Variants in UTRN observed in about 807,000 individuals in gnomAD.
The protein encoded by UTRN is utrophin, also known as dystrophin-related protein 1.
UTRN carries 283 observed loss-of-function variants against 463.9 expected under a neutral mutation model. That is an observed-to-expected ratio of 0.61 (90% confidence interval 0.55 to 0.67). The LOEUF is 0.67. Among genes scored for constraint, UTRN ranks in the 30% least tolerant of loss-of-function variants. The pLI, the probability that UTRN is intolerant of heterozygous loss-of-function variation, is 0.00. For missense variants in UTRN, 3,922 were observed against 4,084.3 expected (o/e 0.96, Z 1.08); for synonymous variants, 1,442 against 1,431.5 (o/e 1.01, Z -0.17).
At chr6:144,759,225 TTGA>T (rs1435258544) in intron 58 of UTRN, among the ~76,000 whole-genome samples, 1 of 152,050 alleles carries the variant, frequency 6.6e-6, no homozygotes, top group African/African-American at 2.4e-5. Flanking sequence ...ATTAAAGCAA[TTGA>T]TTGGTGTCAA....
At chr6:144,495,537 C>T (rs1389594641) in intron 33 of UTRN, among the ~76,000 whole-genome samples, 1 of 152,198 alleles carries the variant, frequency 6.6e-6, no homozygotes, top group East Asian at 1.9e-4. Flanking sequence ...CCACACCTCC[C>T]TGCAAGCTGA....
intron 23 of UTRN, among the ~76,000 whole-genome samples, chr6:144,472,303 C>A (rs556763922): frequency 1.3e-5 from 2 of 150,132 alleles, no homozygotes; most frequent in Admixed American, 1.3e-4. Flanking sequence ...TTAAGTACTA[C>A]TTTCTTTTCT....
chr6:144,487,705 T>C lies in UTRN; in HGVS notation c.3972+8T>C, dbSNP rs1420634479. 4.4e-6 allele frequency: 7 copies of C among 1,605,744 alleles called. No homozygotes were observed. The highest frequency in any genetic ancestry group is 1.3e-5 in the African/African-American group (1 of 74,658). On this transcript the variant is annotated splice_region_variant and intron_variant, in intron 29 of 74. Coordinates refer to ENST00000367545, the MANE Select transcript of UTRN (RefSeq NM_007124.3). ...GAAGATCTAAGTCACCTGGTAAGAG[T>C]TGGGACATACATGGGTGTTGATTAG...
intron 50 of UTRN, among the ~76,000 whole-genome samples, chr6:144,567,268 C>G (rs1800493951): frequency 6.6e-6 from 1 of 152,000 alleles, no homozygotes; most frequent in African/African-American, 2.4e-5. Flanking sequence ...AAGAGGAGCT[C>G]TAGAGCATGG....
intron 53 of UTRN, among the ~76,000 whole-genome samples, chr6:144,727,215 A>G (rs1390006024): frequency 6.6e-6 from 1 of 152,072 alleles, no homozygotes; most frequent in East Asian, 1.9e-4. Flanking sequence ...ATTTGCCTTT[A>G]TGTCCCGTCT....
chr6:144,753,177 A>G (rs1791590743), intron 56 of UTRN, among the ~76,000 whole-genome samples: 1 of 152,230 alleles, frequency 6.6e-6, no homozygotes, highest in Non-Finnish European at 1.5e-5. Context: ...TAAGTGGAAC[A>G]GTAACTAGCA....
chr6:144,594,367 A>G (rs1489499941), intron 51 of UTRN, among the ~76,000 whole-genome samples: 3 of 152,100 alleles, frequency 2.0e-5, no homozygotes, highest in African/African-American at 7.2e-5. Context: ...TCTTATGTGC[A>G]TTTATTTTTG....
chr6:144,474,802 A>G (rs561943739), intron 25 of UTRN, 43 bp downstream of exon 25: 1 of 1,586,886 alleles, frequency 6.3e-7, no homozygotes, highest in South Asian at 1.2e-5. Flanking sequence ...CAGGAGATGT[A>G]GACTGTAGCT....
intron 58 of UTRN, among the ~76,000 whole-genome samples, chr6:144,770,126 A>G (rs1319456728): frequency 6.6e-6 from 1 of 152,210 alleles, no homozygotes; most frequent in East Asian, 1.9e-4. Flanking sequence ...ATCTGGGTAG[A>G]GGAGCCCGAC....
chr6:144,626,669 C>T (rs887434766), intron 51 of UTRN, among the ~76,000 whole-genome samples: 2 of 152,088 alleles, frequency 1.3e-5, no homozygotes, highest in Non-Finnish European at 2.9e-5. Flanking sequence ...GACGGAGTCT[C>T]GCTCTGTCGC....
intron 50 of UTRN, among the ~76,000 whole-genome samples, chr6:144,574,075 A>G (rs1250323720): frequency 6.6e-6 from 1 of 152,210 alleles, no homozygotes; most frequent in Non-Finnish European, 1.5e-5. Flanking sequence ...TCAGCAAGAC[A>G]TTTTTATGTG....
intron 51 of UTRN, among the ~76,000 whole-genome samples, chr6:144,623,856 C>T (rs1341045982): frequency 6.6e-6 from 1 of 152,034 alleles, no homozygotes; most frequent in African/African-American, 2.4e-5. Context: ...TACATGATAC[C>T]TTTAATAATT....
At chr6:144,775,699 G>T (rs1337160700) in intron 60 of UTRN, among the ~76,000 whole-genome samples, 1 of 152,178 alleles carries the variant, frequency 6.6e-6, no homozygotes, top group Non-Finnish European at 1.5e-5. Flanking sequence ...GGCCTGATGA[G>T]CTATAAAATG....
intron 68 of UTRN, 150 bp downstream of exon 68, chr6:144,827,826 A>C: frequency 4.2e-6 from 4 of 941,806 alleles, no homozygotes; most frequent in Non-Finnish European, 6.3e-6. Flanking sequence ...GGGCTCTCAT[A>C]TTTTCATGAC....
At chr6:144,510,755 A>G (rs904428436) in intron 34 of UTRN, among the ~76,000 whole-genome samples, 189 bp from the exon 35 acceptor site, 1 of 152,198 alleles carries the variant, frequency 6.6e-6, no homozygotes, top group Non-Finnish European at 1.5e-5. Flanking sequence ...TTTGTTTTCC[A>G]TTTGGAACTT....
At chr6:144,691,320 T>G (rs1783387659) in intron 52 of UTRN, among the ~76,000 whole-genome samples, 1 of 152,196 alleles carries the variant, frequency 6.6e-6, no homozygotes, top group African/African-American at 2.4e-5. Flanking sequence ...TTTCGCCATA[T>G]TGGCTGGGCT....
chr6:144,765,465 G>A (rs985424898), intron 58 of UTRN, among the ~76,000 whole-genome samples: 9 of 152,290 alleles, frequency 5.9e-5, no homozygotes, highest in Admixed American at 2.6e-4. Flanking sequence ...CCAGGCCAGA[G>A]TGCAGTGGTG....
chr6:144,426,588 CA>C (rs1414248237), intron 7 of UTRN, 129 bp downstream of exon 7: 2 of 948,022 alleles, frequency 2.1e-6, no homozygotes, highest in African/African-American at 1.7e-5. Flanking sequence ...CATGTTCTAC[CA>C]AAACCTTAAG....
intron 2 of UTRN, among the ~76,000 whole-genome samples, chr6:144,359,723 T>G (rs1212099438): frequency 1.3e-5 from 2 of 151,914 alleles, no homozygotes; most frequent in African/African-American, 2.4e-5. Flanking sequence ...ACGCATCGTT[T>G]TTTTTTTTTT....
Sources: allele counts gnomAD v4.1 joint callset (sites outside exome capture counted in the v4.1 genomes callset), GRCh38; gene constraint gnomAD v4.1.1; transcripts MANE v1.5; gene names NCBI Gene and HGNC (gene_info 2026-07-23, HGNC 2026-07-21).